Variants in RIMS2 observed in about 807,000 individuals in gnomAD.
RIMS2 encodes the protein regulating synaptic membrane exocytosis 2, also known as regulating synaptic membrane exocytosis protein 2.
In RIMS2, 59 loss-of-function variants were observed where a neutral mutation model predicts 174.4. The ratio of observed to expected loss-of-function variants is 0.34; its 90% CI spans 0.27 to 0.42. The LOEUF is 0.42. RIMS2 is among the 10% of genes least tolerant of loss of function. The pLI, the probability that RIMS2 is intolerant of heterozygous loss-of-function variation, is 1.00. For missense variants in RIMS2, 1,620 were observed against 1,666.3 expected, an observed-to-expected ratio of 0.97 and a Z score of 0.48; for synonymous variants, 606 against 572.5, an observed-to-expected ratio of 1.06 and a Z score of -0.84.
At chr8:104,018,878 A>G (rs1389173375) in intron 19 of RIMS2, among the ~76,000 whole-genome samples, 9 of 152,040 alleles carry the variant, frequency 5.9e-5, no homozygotes, top group African/African-American at 2.2e-4. Flanking sequence ...GTCAATCATA[A>G]TTTCTCCCCA....
At chr8:103,609,663 G>A (rs35745222) in intron 1 of RIMS2, among the ~76,000 whole-genome samples, 17,660 of 151,992 alleles carry the variant, frequency 0.12, 1,363 homozygotes, top group Non-Finnish European at 0.17. Context: ...GATGGTTGTA[G>A]GTGTGTGGCA....
chr8:103,837,289 G>T (rs920567169), intron 3 of RIMS2, among the ~76,000 whole-genome samples: 2 of 152,216 alleles, frequency 1.3e-5, no homozygotes, highest in Non-Finnish European at 2.9e-5. Context: ...TCAGATTGCT[G>T]CCAGAACCCA....
intron 19 of RIMS2, among the ~76,000 whole-genome samples, chr8:104,174,667 C>A (rs1338212613): frequency 2.0e-5 from 3 of 152,094 alleles, no homozygotes; most frequent in Admixed American, 6.5e-5. Flanking sequence ...CTTGATTTTA[C>A]TTCTTATATG....
At chr8:103,948,643 G>C (rs887330784) in intron 14 of RIMS2, among the ~76,000 whole-genome samples, 1 of 152,144 alleles carries the variant, frequency 6.6e-6, no homozygotes, top group South Asian at 2.1e-4. Context: ...TATTGAGACA[G>C]ATTAAGTTAG....
chr8:104,050,364 G>C (rs1266857784), intron 19 of RIMS2, among the ~76,000 whole-genome samples: 1 of 152,082 alleles, frequency 6.6e-6, no homozygotes, highest in East Asian at 1.9e-4. Context: ...GTTAAACTTA[G>C]TTTTAAGTGC....
intron 17 of RIMS2, among the ~76,000 whole-genome samples, chr8:104,007,824 G>T (rs945032994): frequency 2.6e-5 from 4 of 152,124 alleles, no homozygotes; most frequent in Non-Finnish European, 4.4e-5. Flanking sequence ...TGTTCTGTTA[G>T]TTGGGGTGTT....
intron 19 of RIMS2, among the ~76,000 whole-genome samples, chr8:104,141,311 A>G (rs1001109104): frequency 5.3e-5 from 8 of 152,216 alleles, no homozygotes; most frequent in African/African-American, 1.9e-4. Flanking sequence ...TAGAGAATTT[A>G]TAAATTCAAG....
At chr8:104,239,908 T>A (rs762128582) in intron 19 of RIMS2, among the ~76,000 whole-genome samples, 3 of 152,022 alleles carry the variant, frequency 2.0e-5, no homozygotes, top group Admixed American at 6.6e-5. Context: ...GGGGAGAAAA[T>A]CAGCTTTCAA....
intron 6 of RIMS2, 122 bp downstream of exon 9, chr8:103,912,294 T>C (rs1267922219): frequency 1.5e-5 from 9 of 620,302 alleles, no homozygotes; most frequent in Non-Finnish European, 2.3e-5. Flanking sequence ...CAATAGTTTG[T>C]GAAGATTCGC....
chr8:103,868,391 A>G (rs1025464058), intron 3 of RIMS2, among the ~76,000 whole-genome samples: 1 of 152,068 alleles, frequency 6.6e-6, no homozygotes, highest in African/African-American at 2.4e-5. Flanking sequence ...ATAAAATACA[A>G]TATAGACTCT....
intron 19 of RIMS2, among the ~76,000 whole-genome samples, chr8:104,171,327 G>T (rs556089268): frequency 3.3e-5 from 5 of 150,890 alleles, no homozygotes. Flanking sequence ...TGGAGACTTT[G>T]TTCATATTTC....
intron 19 of RIMS2, among the ~76,000 whole-genome samples, chr8:104,045,016 T>C (rs1312741595): frequency 6.6e-6 from 1 of 151,820 alleles, no homozygotes; most frequent in Admixed American, 6.6e-5. Flanking sequence ...AAACTAAAGT[T>C]AAGGCTTTTC....
chr8:103,593,678 G>A (rs373548813), intron 1 of RIMS2, among the ~76,000 whole-genome samples: 1 of 151,214 alleles, frequency 6.6e-6, no homozygotes, highest in African/African-American at 2.4e-5. Flanking sequence ...TAAGAGTTGT[G>A]CAAAAATATA....
chr8:103,606,380 C>T (rs200432689), intron 1 of RIMS2, among the ~76,000 whole-genome samples: 11 of 149,410 alleles, frequency 7.4e-5, no homozygotes, highest in East Asian at 2.0e-4. Context: ...TTGTTATAAT[C>T]TCTGTTCTTT....
intron 1 of RIMS2, among the ~76,000 whole-genome samples, chr8:103,634,719 A>G (rs2096030574): frequency 6.6e-6 from 1 of 152,172 alleles, no homozygotes; most frequent in African/African-American, 2.4e-5. Context: ...GTGCATACGT[A>G]TTTACAATAG....
intron 13 of RIMS2, among the ~76,000 whole-genome samples, chr8:103,940,129 A>G (rs943059159): frequency 6.6e-6 from 1 of 152,202 alleles, no homozygotes; most frequent in East Asian, 1.9e-4. Flanking sequence ...ACTAGTACCA[A>G]TTTATTGTAT....
intron 1 of RIMS2, among the ~76,000 whole-genome samples, chr8:103,667,576 G>A (rs1315874727): frequency 6.6e-6 from 1 of 152,142 alleles, no homozygotes; most frequent in African/African-American, 2.4e-5. Flanking sequence ...ATGTATCAAA[G>A]CATAGGTTGT....
chr8:104,079,093 A>C (rs950473404), intron 19 of RIMS2, among the ~76,000 whole-genome samples: 2 of 148,958 alleles, frequency 1.3e-5, no homozygotes, highest in Non-Finnish European at 3.0e-5. Context: ...AGTATTATGC[A>C]AAAAAAAAAG....
chr8:104,013,619 G>A (rs775947785), exon 18 of RIMS2: 10 of 1,612,168 alleles, frequency 6.2e-6, no homozygotes, highest in Admixed American at 3.3e-5. Flanking sequence ...CTGCCTTATC[G>A]AGGTGAAAGA....
Sources: allele counts gnomAD v4.1 joint callset (sites outside exome capture counted in the v4.1 genomes callset), GRCh38; gene constraint gnomAD v4.1.1; transcripts MANE v1.5; gene names NCBI Gene and HGNC (gene_info 2026-07-23, HGNC 2026-07-21).